A1CF: variants seen among roughly 807,000 people sequenced by gnomAD.
A1CF encodes APOBEC-1 stimulating protein.
A1CF carries 48 observed loss-of-function variants against 68.9 expected under a neutral mutation model. The ratio of observed to expected loss-of-function variants is 0.70; its 90% CI spans 0.55 to 0.89. A1CF has a LOEUF of 0.89. Among genes scored for constraint, A1CF ranks in the 40% least tolerant of loss-of-function variants. The pLI, the probability that A1CF is intolerant of heterozygous loss-of-function variation, is 0.00. For missense variants in A1CF, 653 were observed against 718.9 expected (o/e 0.91, Z 1.05); for synonymous variants, 272 against 260.4 (o/e 1.04, Z -0.43).
intron 1 of A1CF, among the ~76,000 whole-genome samples, chr10:50,884,814 G>T (rs980644564): frequency 6.6e-6 from 1 of 151,994 alleles, no homozygotes; most frequent in Non-Finnish European, 1.5e-5. Flanking sequence ...GGATATTTTT[G>T]GTAAATGTCC....
In A1CF at chr10:50,836,093, C is replaced by G. The variant is rs61742973; in HGVS notation, c.585G>C (p.Ala195=). ...EYESHRAAAM[A]RRKLLPGRIQ... ...GCTAACCTGGTAGCAGTTTCCTCCTCGCCATGGCAGCTGCTCGATGACTCT... is the reference window on the plus strand; with the variant it reads ...GCTAACCTGGTAGCAGTTTCCTCCTGGCCATGGCAGCTGCTCGATGACTCT... Residue 195 remains alanine, a synonymous_variant, in exon 6 of 13, where the codon GCG becomes GCC. Transcript: ENST00000373997. The G allele has an allele frequency of 6.2e-7, 1 of 1,610,482 alleles. No individual in the cohort carries two copies.
intron 1 of A1CF, among the ~76,000 whole-genome samples, chr10:50,870,581 A>T (rs1463979355): frequency 6.6e-6 from 1 of 151,896 alleles, no homozygotes; most frequent in Non-Finnish European, 1.5e-5. Context: ...AATCTCAAGG[A>T]TAAGTTAAAA....
intron 1 of A1CF, among the ~76,000 whole-genome samples, chr10:50,884,973 A>G (rs1342952436): frequency 6.6e-6 from 1 of 152,206 alleles, no homozygotes. Context: ...GATTTAACAC[A>G]CTGAAAACCA....
rs1328852242 is a variant in A1CF at position 50,859,877 on chromosome 10, C to T, written c.64G>A (p.Ala22Thr). The T allele has an allele frequency of 1.2e-5, 19 of 1,613,876 alleles. No individual in the cohort carries two copies. The highest frequency in any genetic ancestry group is 4.4e-5 in the South Asian group (4 of 91,084). ...CTATATCCTGTGCGCTGGACCAGTGCGCGGAGGGCTGCTTCCTTCTGAGTG... is the reference window on the plus strand; with the variant it reads ...CTATATCCTGTGCGCTGGACCAGTGTGCGGAGGGCTGCTTCCTTCTGAGTG... ...SGTQKEAALR[A>T]LVQRTGYSLV... Residue 22 changes from alanine (A) to threonine (T), a missense_variant, in exon 3 of 13, where the codon GCA becomes ACA. Ala to Thr is a moderately conservative substitution (Grantham distance 58, BLOSUM62 0). Transcript: ENST00000373997.
intron 10 of A1CF, among the ~76,000 whole-genome samples, 158 bp downstream of exon 10, chr10:50,813,699 A>G (rs1385958849): frequency 6.6e-6 from 1 of 152,244 alleles, no homozygotes; most frequent in African/African-American, 2.4e-5. Context: ...CCAGATGCCC[A>G]GCATTCCTTC....
intron 5 of A1CF, among the ~76,000 whole-genome samples, chr10:50,840,345 G>A (rs1662222928): frequency 6.6e-6 from 1 of 151,082 alleles, no homozygotes; most frequent in African/African-American, 2.4e-5. Context: ...CTGTAAAGTT[G>A]TTATAGCAAT....
intron 1 of A1CF, among the ~76,000 whole-genome samples, chr10:50,874,670 G>A (rs1335285357): frequency 6.6e-6 from 1 of 152,154 alleles, no homozygotes; most frequent in Non-Finnish European, 1.5e-5. Flanking sequence ...TCCAACAGAG[G>A]TTGTGTCCAG....
At chr10:50,874,510 A>AG (rs769575433) in intron 1 of A1CF, among the ~76,000 whole-genome samples, 3 of 152,206 alleles carry the variant, frequency 2.0e-5, no homozygotes, top group Non-Finnish European at 1.5e-5. Context: ...CAGAAGAGGA[A>AG]GCATTCACCT....
At chr10:50,829,802 G>A (rs1001702981) in intron 6 of A1CF, among the ~76,000 whole-genome samples, 1 of 152,096 alleles carries the variant, frequency 6.6e-6, no homozygotes, top group African/African-American at 2.4e-5. Flanking sequence ...TATTGGGTGA[G>A]GTTTAAAAAA....
At chr10:50,817,000 T>A (rs1295433418) in intron 8 of A1CF, among the ~76,000 whole-genome samples, 1 of 152,202 alleles carries the variant, frequency 6.6e-6, no homozygotes, top group Non-Finnish European at 1.5e-5. Flanking sequence ...GAGAGTAGTA[T>A]TGAGGTTCTC....
At chr10:50,857,818 GA>G (rs1840558175) in intron 3 of A1CF, among the ~76,000 whole-genome samples, 1 of 152,122 alleles carries the variant, frequency 6.6e-6, no homozygotes, top group Non-Finnish European at 1.5e-5. Context: ...TGTTTCCGGG[GA>G]TCAGAGTTTG....
At chr10:50,839,396 C>T (rs2132442522) in intron 5 of A1CF, among the ~76,000 whole-genome samples, 1 of 152,328 alleles carries the variant, frequency 6.6e-6, no homozygotes, top group African/African-American at 2.4e-5. Context: ...AATCATAAAA[C>T]TGTAATGTAG....
intron 5 of A1CF, among the ~76,000 whole-genome samples, chr10:50,836,794 G>T (rs1382501391): frequency 6.7e-6 from 1 of 149,388 alleles, no homozygotes; most frequent in East Asian, 2.0e-4. Flanking sequence ...GCAGTGTTTG[G>T]TTTTTTGTCC....
intron 6 of A1CF, among the ~76,000 whole-genome samples, chr10:50,832,243 A>G (rs1839280724): frequency 6.6e-6 from 1 of 152,226 alleles, no homozygotes; most frequent in Non-Finnish European, 1.5e-5. Flanking sequence ...GTAGCCTGAA[A>G]TCAGCCACAG....
rs1564485112 is a variant in A1CF, at chr10:50,801,588, T to A, written c.*5141A>T. 1 of 152,230 alleles carries A rather than the reference T, an allele frequency of 6.6e-6. No homozygotes were observed. The highest frequency in any genetic ancestry group is 1.5e-5 in the Non-Finnish European group (1 of 68,044). 9.4% of individuals were successfully genotyped at this position (152,230 alleles called of 1,614,324 possible). On this transcript the variant is annotated 3_prime_UTR_variant, in exon 13 of 13. Coordinates refer to ENST00000373997, the MANE Select transcript of A1CF (RefSeq NM_014576.4). ...CCCTGAATGGGGCTGATATTCTTCA[T>A]TCTCCAAGAAGGCCTGTGGGCAGCT...
At chr10:50,872,212 G>A (rs1659634416) in intron 1 of A1CF, among the ~76,000 whole-genome samples, 1 of 152,054 alleles carries the variant, frequency 6.6e-6, no homozygotes, top group African/African-American at 2.4e-5. Context: ...TGCCTATTAT[G>A]TGGCAATATG....
At chr10:50,863,413 A>T (rs1840837258) in intron 2 of A1CF, among the ~76,000 whole-genome samples, 1 of 152,220 alleles carries the variant, frequency 6.6e-6, no homozygotes, top group Non-Finnish European at 1.5e-5. Flanking sequence ...ATAGTTCTTA[A>T]AGTATCTTAT....
At chr10:50,831,206 T>A (rs1355603184) in intron 6 of A1CF, among the ~76,000 whole-genome samples, 1 of 152,204 alleles carries the variant, frequency 6.6e-6, no homozygotes, top group African/African-American at 2.4e-5. Context: ...TGGGCAGTTA[T>A]TTTTTGGCTA....
rs1588948437 is a variant in A1CF, at chr10:50,799,426, T to C, written c.*7303A>G. 6.6e-6 allele frequency: 1 copy of C among 152,174 alleles called. No homozygotes were observed. Among genetic ancestry groups the C allele is most frequent in the Non-Finnish European group, 1.5e-5 (1 of 68,008 alleles). 9.4% of individuals were successfully genotyped at this position (152,174 alleles called of 1,614,324 possible). ...AACTCATATTGATAATTTTTAAAAC[T>C]TTATAATGGCACTTGAAAATTCAAT... On this transcript the variant is annotated 3_prime_UTR_variant, in exon 13 of 13. Transcript: ENST00000373997.
Sources: gnomAD v4.1 joint callset for allele counts (sites outside exome capture counted in the v4.1 genomes callset) on GRCh38, gnomAD v4.1.1 for gene constraint, MANE v1.5 for transcripts, NCBI Gene and HGNC (gene_info 2026-07-23, HGNC 2026-07-21) for gene names.